ATE1: variants seen among roughly 807,000 people sequenced by gnomAD.
ATE1 encodes arginyltransferase 1.
In ATE1, 36 loss-of-function variants were observed where a neutral mutation model predicts 70.5. The observed-to-expected ratio is 0.51, with a 90% CI of 0.39 to 0.67. The LOEUF (loss-of-function observed/expected upper bound fraction) is 0.67. ATE1 is among the 30% of genes least tolerant of loss of function. The pLI is 0.00. For missense variants in ATE1, 593 were observed against 629.5 expected (o/e 0.94, Z 0.62); for synonymous variants, 232 against 219.3 (o/e 1.06, Z -0.51).
At chr10:121,908,162 TGTTAGAC>T (rs1951276183) in intron 5 of ATE1, among the ~76,000 whole-genome samples, 1 of 152,176 alleles carries the variant, frequency 6.6e-6, no homozygotes, top group Non-Finnish European at 1.5e-5. Flanking sequence ...AACTGGTCAC[TGTTAGAC>T]GTTATTTTGA....
At chr10:121,835,458 T>C (rs916818484) in intron 10 of ATE1, among the ~76,000 whole-genome samples, 1 of 128,574 alleles carries the variant, frequency 7.8e-6, no homozygotes, top group Non-Finnish European at 1.6e-5. Flanking sequence ...CTGTGAATTA[T>C]TCCTTTGTAA....
intron 7 of ATE1, among the ~76,000 whole-genome samples, chr10:121,882,770 G>C (rs1950266853): frequency 6.6e-6 from 1 of 152,196 alleles, no homozygotes; most frequent in African/African-American, 2.4e-5. Context: ...TCTCAGGCAG[G>C]AGGTTAATCA....
intron 10 of ATE1, among the ~76,000 whole-genome samples, chr10:121,806,999 G>A (rs186300185): frequency 1.4e-4 from 21 of 152,166 alleles, no homozygotes; most frequent in East Asian, 5.8e-4. Context: ...CAGTTTGACC[G>A]TGCAAGATAT....
intron 10 of ATE1, among the ~76,000 whole-genome samples, chr10:121,812,220 T>G (rs1449723948): frequency 6.6e-6 from 1 of 152,036 alleles, no homozygotes; most frequent in Non-Finnish European, 1.5e-5. Context: ...CCTCCCAAAG[T>G]GCTGACATTA....
At chr10:121,871,094 T>C (rs1000681293) in intron 7 of ATE1, among the ~76,000 whole-genome samples, 6 of 152,202 alleles carry the variant, frequency 3.9e-5, no homozygotes, top group Non-Finnish European at 8.8e-5. Flanking sequence ...TGAAATTATA[T>C]GATGTCTGGG....
intron 10 of ATE1, among the ~76,000 whole-genome samples, chr10:121,790,948 A>ATG (rs10670496): frequency 0.69 from 93,642 of 135,242 alleles, 29,122 homozygotes; most frequent in South Asian, 0.74. Flanking sequence ...GTACATATAT[A>ATG]TGTGTATATA....
intron 11 of ATE1, among the ~76,000 whole-genome samples, chr10:121,785,897 A>G (rs1174536714): frequency 6.6e-6 from 1 of 152,356 alleles, no homozygotes; most frequent in East Asian, 1.9e-4. Flanking sequence ...TTCAATGTAT[A>G]GAACAGAATG....
At chr10:121,774,571 C>G (rs1945654826) in intron 11 of ATE1, among the ~76,000 whole-genome samples, 1 of 152,146 alleles carries the variant, frequency 6.6e-6, no homozygotes, top group South Asian at 2.1e-4. Context: ...TGAAGAAGTT[C>G]AAACAGCTCT....
At chr10:121,762,652 C>A (rs866336188) in intron 11 of ATE1, among the ~76,000 whole-genome samples, 16 of 152,078 alleles carry the variant, frequency 1.1e-4, no homozygotes, top group Non-Finnish European at 1.9e-4. Context: ...TGTGCGTGTG[C>A]CCTGCGAGGG....
At chr10:121,748,171 T>C (rs974090906) in intron 11 of ATE1, among the ~76,000 whole-genome samples, 2 of 152,224 alleles carry the variant, frequency 1.3e-5, no homozygotes, top group African/African-American at 2.4e-5. Context: ...CCTAAAATAT[T>C]TGGGGACAGA....
At chr10:121,923,388 G>T (rs1295151828) in intron 2 of ATE1, among the ~76,000 whole-genome samples, 1 of 152,158 alleles carries the variant, frequency 6.6e-6, no homozygotes, top group African/African-American at 2.4e-5. Context: ...TCACTTGAGT[G>T]TGGGAATTTG....
chr10:121,925,369 G>C (rs117293707), intron 1 of ATE1, among the ~76,000 whole-genome samples: 1 of 150,088 alleles, frequency 6.7e-6, no homozygotes, highest in Non-Finnish European at 1.5e-5. Context: ...GCAGTGACTC[G>C]AGATCGAGCC....
intron 7 of ATE1, among the ~76,000 whole-genome samples, chr10:121,893,291 A>C (rs1950646633): frequency 6.6e-6 from 1 of 150,776 alleles, no homozygotes; most frequent in Non-Finnish European, 1.5e-5. Flanking sequence ...AAAAAAAAAA[A>C]AACAAAATTG....
chr10:121,856,181 T>C (rs1348511986), intron 8 of ATE1, among the ~76,000 whole-genome samples: 2 of 152,132 alleles, frequency 1.3e-5, no homozygotes, highest in Non-Finnish European at 2.9e-5. Context: ...AGTTATCGCT[T>C]TTCTCAGAAT....
At chr10:121,779,260 TG>T (rs936650972) in intron 11 of ATE1, among the ~76,000 whole-genome samples, 1 of 152,194 alleles carries the variant, frequency 6.6e-6, no homozygotes, top group Non-Finnish European at 1.5e-5. Context: ...TTCCCAACCC[TG>T]GAAAAGCCGG....
chr10:121,763,501 G>A (rs1356400460), intron 11 of ATE1, among the ~76,000 whole-genome samples: 1 of 152,186 alleles, frequency 6.6e-6, no homozygotes, highest in East Asian at 1.9e-4. Flanking sequence ...CCAATCTGAA[G>A]AGGCTATATT....
intron 4 of ATE1, among the ~76,000 whole-genome samples, chr10:121,912,608 A>C (rs534864887): frequency 1.3e-5 from 2 of 151,764 alleles, no homozygotes; most frequent in African/African-American, 4.8e-5. Context: ...GCCAAGATTG[A>C]GCCACTGCAC....
chr10:121,757,739 C>G (rs1166867719), intron 11 of ATE1, among the ~76,000 whole-genome samples: 1 of 152,168 alleles, frequency 6.6e-6, no homozygotes, highest in Non-Finnish European at 1.5e-5. Context: ...ATCATTCACT[C>G]CCACTGGGTC....
chr10:121,923,838 T>C (rs762616189), intron 2 of ATE1, among the ~76,000 whole-genome samples: 3 of 152,204 alleles, frequency 2.0e-5, no homozygotes, highest in Non-Finnish European at 4.4e-5. Flanking sequence ...AGAATTTTTA[T>C]TAATTTTGTA....
Sources: allele counts gnomAD v4.1 joint callset (sites outside exome capture counted in the v4.1 genomes callset), GRCh38; gene constraint gnomAD v4.1.1; transcripts MANE v1.5; gene names NCBI Gene and HGNC (gene_info 2026-07-23, HGNC 2026-07-21).